The following AP1G1 variants were observed in gnomAD, a reference collection of about 807,000 sequenced individuals.
AP1G1 encodes AP-1 complex subunit gamma-1.
AP1G1 carries 7 observed loss-of-function variants against 108.3 expected under a neutral mutation model. The observed-to-expected ratio is 0.06, with a 90% CI of 0.04 to 0.12. The LOEUF (loss-of-function observed/expected upper bound fraction) is 0.12. Among genes scored for constraint, AP1G1 ranks in the 10% least tolerant of loss-of-function variants. The pLI is 1.00. For synonymous variants in AP1G1, 379 were observed against 353.5 expected, an observed-to-expected ratio of 1.07 and a Z score of -0.81; for missense variants, 756 against 1,010.7, an observed-to-expected ratio of 0.75 and a Z score of 3.42.
intron 19 of AP1G1, among the ~76,000 whole-genome samples, chr16:71,744,556 T>G (rs1358325851): frequency 7.0e-6 from 1 of 143,518 alleles, no homozygotes; most frequent in Non-Finnish European, 1.5e-5. Flanking sequence ...TTTTTGAGCT[T>G]GAAAGAGAAA....
chr16:71,768,579 G>C (rs2031420149), intron 6 of AP1G1, among the ~76,000 whole-genome samples: 1 of 148,876 alleles, frequency 6.7e-6, no homozygotes, highest in Non-Finnish European at 1.5e-5. Flanking sequence ...AAAACGAACA[G>C]TAGAGTAAAA....
At chr16:71,761,296 G>C (rs1394806693) in intron 10 of AP1G1, among the ~76,000 whole-genome samples, 1 of 152,100 alleles carries the variant, frequency 6.6e-6, no homozygotes, top group Non-Finnish European at 1.5e-5. Flanking sequence ...GAAAAATTTT[G>C]CTGACTCCTG....
intron 1 of AP1G1, among the ~76,000 whole-genome samples, chr16:71,801,922 C>CAAAA (rs901972267): frequency 6.3e-5 from 4 of 63,724 alleles, no homozygotes; most frequent in African/African-American, 1.8e-4. Flanking sequence ...ACTCCGTAAC[C>CAAAA]AAAAAAAAAA....
rs1278003529 is a variant in AP1G1 at position 71,772,216 on chromosome 16, C to T, written c.469-964G>A. Reference sequence around the variant, plus strand: ...CGCAATGTCGGCTCACTGCAAGCTCCGCCTCCTGGGTTCACATCATTCTCC... The same window carrying T: ...CGCAATGTCGGCTCACTGCAAGCTCTGCCTCCTGGGTTCACATCATTCTCC... On this transcript the variant is annotated intron_variant, in intron 4 of 22. Transcript: ENST00000299980. Among the ~76,000 whole-genome samples, 9 of 152,096 alleles carry T rather than the reference C, an allele frequency of 5.9e-5. No homozygotes were observed. In the South Asian group the frequency reaches 8.3e-4, roughly 14 times the overall value.
intron 2 of AP1G1, among the ~76,000 whole-genome samples, chr16:71,777,224 G>T (rs1164991456): frequency 6.6e-6 from 1 of 151,410 alleles, no homozygotes; most frequent in Non-Finnish European, 1.5e-5. Flanking sequence ...TAGAGGAGGG[G>T]ATCTGAGGGA....
intron 13 of AP1G1, chr16:71,750,576 G>T: frequency 2.7e-6 from 1 of 363,804 alleles, no homozygotes; most frequent in Non-Finnish European, 5.1e-6. Context: ...CACCACACCT[G>T]GCTAATTTTT....
At chr16:71,741,407 AC>A (rs1461782197) in intron 19 of AP1G1, among the ~76,000 whole-genome samples, 4 of 152,060 alleles carry the variant, frequency 2.6e-5, no homozygotes, top group African/African-American at 9.7e-5. Flanking sequence ...ACACAGCGAA[AC>A]CCTATCTCTA....
intron 1 of AP1G1, among the ~76,000 whole-genome samples, chr16:71,802,899 T>C (rs1249209019): frequency 6.6e-6 from 1 of 152,028 alleles, no homozygotes; most frequent in Non-Finnish European, 1.5e-5. Flanking sequence ...ACACGTAACA[T>C]CTTTACATAT....
At chr16:71,793,516 A>G (rs1489955596) in intron 1 of AP1G1, among the ~76,000 whole-genome samples, 3 of 152,330 alleles carry the variant, frequency 2.0e-5, no homozygotes, top group Non-Finnish European at 4.4e-5. Flanking sequence ...AAGAAACAAA[A>G]GCAGCAACAA....
rs746297979 is a variant in AP1G1, at chr16:71,748,286, A to G, written c.1590T>C (p.Ile530=). ...AAGTGAATCGAGTGGAAAGCTTCAT[A>G]ATGGCAGTGAGGGCATAACCTCGTG... ...SVTRGYALTA[I]MKLSTRFTCT... is the part of the protein sequence containing the mutation. The change falls in exon 16 of 23, where the codon ATT becomes ATC. Residue 530 remains isoleucine, a synonymous_variant. Coordinates refer to ENST00000299980, the MANE Select transcript of AP1G1 (RefSeq NM_001128.6). The G allele has an allele frequency of 6.2e-7, 1 of 1,614,110 alleles. No individual in the cohort carries two copies. Among genetic ancestry groups the G allele is most frequent in the Non-Finnish European group, 8.5e-7 (1 of 1,179,982 alleles).
chr16:71,786,036 G>A (rs2032192044), intron 2 of AP1G1, among the ~76,000 whole-genome samples: 1 of 152,008 alleles, frequency 6.6e-6, no homozygotes, highest in Non-Finnish European at 1.5e-5. Flanking sequence ...TGAACAAGAT[G>A]GTGACTCATT....
At chr16:71,789,012 A>G (rs2032307081) in intron 2 of AP1G1, among the ~76,000 whole-genome samples, 1 of 152,212 alleles carries the variant, frequency 6.6e-6, no homozygotes, top group African/African-American at 2.4e-5. Context: ...GAACCACCAC[A>G]TAATCCTGGT....
At chr16:71,736,117 A>AAAAAAAAAAAAAAAATAT (rs1555550846) in intron 21 of AP1G1, among the ~76,000 whole-genome samples, 6 of 71,632 alleles carry the variant, frequency 8.4e-5, no homozygotes, top group East Asian at 9.5e-4. Context: ...AAAAAAAAAA[A>AAAAAAAAAAAAAAAATAT]ATATATATAT....
chr16:71,738,892 G>A (rs904764), intron 21 of AP1G1, 50 bp downstream of exon 21: 1,190,305 of 1,438,244 alleles, frequency 0.83, 489,576 homozygotes, highest in East Asian at 0.96. Flanking sequence ...AAAAAAAAAA[G>A]CCAGCCAATC....
At chr16:71,778,485 C>T (rs758753922) in intron 2 of AP1G1, among the ~76,000 whole-genome samples, 7 of 152,058 alleles carry the variant, frequency 4.6e-5, no homozygotes, top group Non-Finnish European at 7.4e-5. Context: ...GAGTTCTAGA[C>T]CAGCCTGCGC....
chr16:71,771,508 A>G (rs1351502804), intron 4 of AP1G1, among the ~76,000 whole-genome samples: 1 of 152,228 alleles, frequency 6.6e-6, no homozygotes, highest in African/African-American at 2.4e-5. Context: ...CAACACAGTA[A>G]GAACCTGCCT....
intron 1 of AP1G1, among the ~76,000 whole-genome samples, chr16:71,804,650 C>T (rs1469938830): frequency 6.6e-6 from 1 of 151,960 alleles, no homozygotes; most frequent in Non-Finnish European, 1.5e-5. Flanking sequence ...TCAAGTGATC[C>T]GCCTGCCTCG....
At chr16:71,791,729 G>A (rs2032407614) in intron 1 of AP1G1, among the ~76,000 whole-genome samples, 1 of 149,808 alleles carries the variant, frequency 6.7e-6, no homozygotes, top group East Asian at 2.0e-4. Context: ...ATGGTCACAC[G>A]GCTGGGCCTA....
At chr16:71,784,716 G>A (rs372583938) in intron 2 of AP1G1, among the ~76,000 whole-genome samples, 4 of 151,482 alleles carry the variant, frequency 2.6e-5, no homozygotes, top group Admixed American at 6.6e-5. Context: ...CCACCATCAC[G>A]CCTGGCTAAT....
Sources: gnomAD v4.1 joint callset for allele counts (sites outside exome capture counted in the v4.1 genomes callset) on GRCh38, gnomAD v4.1.1 for gene constraint, MANE v1.5 for transcripts, NCBI Gene and HGNC (gene_info 2026-07-23, HGNC 2026-07-21) for gene names.